Variants in ARHGAP5 observed in about 807,000 individuals in gnomAD.
ARHGAP5 encodes Rho GTPase activating protein 5.
ARHGAP5 carries 23 observed loss-of-function variants against 116.6 expected under a neutral mutation model. The ratio of observed to expected loss-of-function variants is 0.20; its 90% confidence interval spans 0.14 to 0.28. The LOEUF is 0.28. Among genes scored for constraint, ARHGAP5 ranks in the 10% least tolerant of loss-of-function variants. The pLI is 1.00. For missense variants in ARHGAP5, 1,405 were observed against 1,774.8 expected (o/e 0.79, Z 3.74); for synonymous variants, 574 against 602.0 (o/e 0.95, Z 0.68).
At chr14:32,136,084 C>G (rs1880775933) in intron 3 of ARHGAP5, among the ~76,000 whole-genome samples, 1 of 151,986 alleles carries the variant, frequency 6.6e-6, no homozygotes, top group South Asian at 2.1e-4. Flanking sequence ...ACTACTAGTT[C>G]TTGTTTTGTT....
chr14:32,103,439 A>G (rs1443453078), intron 2 of ARHGAP5, among the ~76,000 whole-genome samples: 2 of 152,190 alleles, frequency 1.3e-5, no homozygotes, highest in African/African-American at 4.8e-5. Context: ...TTTCTATACA[A>G]ACTTTTTCTT....
intron 3 of ARHGAP5, among the ~76,000 whole-genome samples, chr14:32,120,074 T>G (rs1170216953): frequency 6.6e-6 from 1 of 152,134 alleles, no homozygotes. Context: ...GTGAAGTGAT[T>G]TCGACCTGGA....
intron 1 of ARHGAP5, among the ~76,000 whole-genome samples, chr14:32,087,283 G>T (rs2041838890): frequency 6.6e-6 from 1 of 151,646 alleles, no homozygotes; most frequent in Non-Finnish European, 1.5e-5. Context: ...TGGATAATTT[G>T]TATATATATA....
At chr14:32,129,961 G>T (rs1483819882) in intron 3 of ARHGAP5, among the ~76,000 whole-genome samples, 1 of 152,040 alleles carries the variant, frequency 6.6e-6, no homozygotes, top group East Asian at 1.9e-4. Flanking sequence ...GTACTTTTGG[G>T]AAGCCAAGGA....
At position 32,097,345 on chromosome 14, in the gene ARHGAP5, A is replaced by G. The variant is rs186285729; in HGVS notation, c.3717+2959A>G. Among the ~76,000 whole-genome samples the G allele has an allele frequency of 2.6e-5, 4 of 152,338 alleles. No individual in the cohort carries two copies. In the East Asian group the frequency reaches 7.7e-4, roughly 29 times the overall value. ...GGTGGCTTTTAATAGAAAAATCTGT[A>G]CATGTAGTTTACCTCATCAACAAAC... On this transcript the variant is annotated intron_variant, in intron 2 of 6. Coordinates refer to ENST00000345122, the MANE Select transcript of ARHGAP5 (RefSeq NM_001030055.2).
chr14:32,082,140 C>A (rs1462775801), intron 1 of ARHGAP5, among the ~76,000 whole-genome samples: 1 of 152,200 alleles, frequency 6.6e-6, no homozygotes, highest in Non-Finnish European at 1.5e-5. Flanking sequence ...TGCTGTGCAG[C>A]CCAGTTCCTA....
At chr14:32,109,690 T>C (rs1594360816) in intron 2 of ARHGAP5, among the ~76,000 whole-genome samples, 1 of 152,144 alleles carries the variant, frequency 6.6e-6, no homozygotes, top group African/African-American at 2.4e-5. Context: ...GTGGTTAAGA[T>C]TTTTCAGGCG....
chr14:32,112,312 T>G (rs1191222060), intron 2 of ARHGAP5, among the ~76,000 whole-genome samples: 1 of 152,194 alleles, frequency 6.6e-6, no homozygotes, highest in East Asian at 1.9e-4. Flanking sequence ...TTGAAGATGT[T>G]GCTGAGGTGA....
intron 2 of ARHGAP5, among the ~76,000 whole-genome samples, 183 bp downstream of exon 2, chr14:32,094,569 G>A (rs1231670393): frequency 6.6e-6 from 1 of 152,082 alleles, no homozygotes; most frequent in Non-Finnish European, 1.5e-5. Flanking sequence ...CTTTATTGGG[G>A]TAGAGTTTGA....
intron 3 of ARHGAP5, among the ~76,000 whole-genome samples, chr14:32,140,902 A>G (rs1353713584): frequency 6.6e-6 from 1 of 152,188 alleles, no homozygotes; most frequent in Non-Finnish European, 1.5e-5. Context: ...TCATTATTAT[A>G]GTGGACTACT....
chr14:32,152,377 A>C (rs1312874493), intron 5 of ARHGAP5, 46 bp from the exon 6 acceptor site: 1 of 1,282,926 alleles, frequency 7.8e-7, no homozygotes, highest in Non-Finnish European at 1.1e-6. Context: ...AAATATTTTT[A>C]AATGTGTAAG....
At chr14:32,102,537 G>A (rs984878325) in intron 2 of ARHGAP5, among the ~76,000 whole-genome samples, 1 of 152,218 alleles carries the variant, frequency 6.6e-6, no homozygotes, top group Non-Finnish European at 1.5e-5. Flanking sequence ...GCAACAGAGC[G>A]AGACCCTGTC....
intron 3 of ARHGAP5, among the ~76,000 whole-genome samples, chr14:32,128,204 C>T (rs1182705534): frequency 9.9e-5 from 15 of 151,476 alleles, no homozygotes; most frequent in South Asian, 4.2e-4. Flanking sequence ...CCAGACTGGG[C>T]GGCCAGGCAG....
At chr14:32,146,211 G>C (rs370467477) in intron 3 of ARHGAP5, 52 bp from the exon 4 acceptor site, 10 of 1,341,184 alleles carry the variant, frequency 7.5e-6, no homozygotes, top group Non-Finnish European at 1.1e-5. Flanking sequence ...GTGCCCAGCC[G>C]TGTGGATATA....
chr14:32,143,299 G>C (rs1274399229), intron 3 of ARHGAP5, among the ~76,000 whole-genome samples: 1 of 152,022 alleles, frequency 6.6e-6, no homozygotes, highest in Non-Finnish European at 1.5e-5. Context: ...CTGGAGTGCA[G>C]TGGTGTGATC....
chr14:32,139,550 T>C (rs978175447), intron 3 of ARHGAP5, among the ~76,000 whole-genome samples: 1 of 152,088 alleles, frequency 6.6e-6, no homozygotes, highest in Non-Finnish European at 1.5e-5. Context: ...TCATTAGTGA[T>C]GTGTCTACTT....
intron 3 of ARHGAP5, among the ~76,000 whole-genome samples, chr14:32,142,305 T>TG (rs1416949122): frequency 1.3e-5 from 2 of 152,230 alleles, no homozygotes; most frequent in Non-Finnish European, 2.9e-5. Flanking sequence ...CTTGTTTCTT[T>TG]GTATGCCTCT....
intron 1 of ARHGAP5, among the ~76,000 whole-genome samples, chr14:32,081,870 T>TA (rs370609134): frequency 2.6e-5 from 4 of 152,306 alleles, no homozygotes; most frequent in Middle Eastern, 3.4e-3. Flanking sequence ...AGAGAACTAG[T>TA]AAAAAATTAA....
intron 3 of ARHGAP5, among the ~76,000 whole-genome samples, chr14:32,121,580 T>G (rs1345921869): frequency 6.6e-6 from 1 of 152,246 alleles, no homozygotes; most frequent in East Asian, 1.9e-4. Flanking sequence ...TTTTCTTAGA[T>G]TAGAATTCTC....
Sources: allele counts gnomAD v4.1 joint callset (sites outside exome capture counted in the v4.1 genomes callset), GRCh38; gene constraint gnomAD v4.1.1; transcripts MANE v1.5; gene names NCBI Gene and HGNC (gene_info 2026-07-23, HGNC 2026-07-21).